Variants in TRPM6 observed in about 807,000 individuals in gnomAD.
TRPM6 encodes the protein transient receptor potential cation channel subfamily M member 6, also known as channel kinase 2.
Under a neutral mutation model 247.6 loss-of-function variants are expected in TRPM6, and 111 were observed. The observed-to-expected ratio is 0.45, with a 90% confidence interval of 0.38 to 0.52. The LOEUF is 0.52. TRPM6 is among the 20% of genes least tolerant of loss of function. The pLI, the probability that TRPM6 is intolerant of heterozygous loss-of-function variation, is 0.00. For missense variants in TRPM6, 2,126 were observed against 2,421.5 expected (o/e 0.88, Z 2.56); for synonymous variants, 892 against 853.8 (o/e 1.04, Z -0.78).
intron 27 of TRPM6, among the ~76,000 whole-genome samples, chr9:74,760,322 T>C (rs1455286396): frequency 6.6e-6 from 1 of 152,208 alleles, no homozygotes; most frequent in Admixed American, 6.5e-5. Flanking sequence ...TATGTTTAGA[T>C]ATGCTTAGAT....
At chr9:74,784,604 G>A (rs1211012856) in intron 21 of TRPM6, among the ~76,000 whole-genome samples, 1 of 152,198 alleles carries the variant, frequency 6.6e-6, no homozygotes, top group East Asian at 1.9e-4. Flanking sequence ...AATATCATTG[G>A]TGGTAGCCTC....
At chr9:74,824,798 G>C (rs952875686) in intron 7 of TRPM6, among the ~76,000 whole-genome samples, 1 of 152,002 alleles carries the variant, frequency 6.6e-6, no homozygotes, top group Admixed American at 6.6e-5. Context: ...CACATCCTTA[G>C]AGTCTTACAA....
intron 24 of TRPM6, among the ~76,000 whole-genome samples, chr9:74,773,615 A>G (rs1035740177): frequency 2.6e-5 from 4 of 152,202 alleles, no homozygotes; most frequent in Non-Finnish European, 5.9e-5. Flanking sequence ...GAAAATATAT[A>G]ATGAAGTGAT....
At chr9:74,779,997 C>T (rs1827372688) in intron 23 of TRPM6, among the ~76,000 whole-genome samples, 1 of 151,856 alleles carries the variant, frequency 6.6e-6, no homozygotes, top group Non-Finnish European at 1.5e-5. Context: ...TATGGTGAAA[C>T]TCTGTCTCTA....
rs1162045664 is a variant in TRPM6, at chr9:74,802,293, AAAT to A, written c.1732-121_1732-119del. 18 of 911,728 alleles carry A rather than the reference AAAT, an allele frequency of 2.0e-5. No homozygotes were observed. In the East Asian group the frequency reaches 4.2e-4, roughly 21 times the overall value. 56.5% of individuals were successfully genotyped at this position (911,728 alleles called of 1,614,324 possible). A position where few individuals can be genotyped will look rare whatever the true frequency, so the allele number is the denominator to read the frequency against. ...TTAATCACTACTAAAAAAGAGATGG[AAAT>A]AATAATAAGATTTTACAAGCCAGCA... On this transcript the variant is annotated intron_variant, in intron 15 of 38. Transcript: ENST00000360774.
At chr9:74,810,323 A>G (rs565865895) in intron 13 of TRPM6, among the ~76,000 whole-genome samples, 1 of 152,326 alleles carries the variant, frequency 6.6e-6, no homozygotes, top group South Asian at 2.1e-4. Flanking sequence ...TGAGCAAAAC[A>G]TGACCAAGAG....
intron 19 of TRPM6, among the ~76,000 whole-genome samples, chr9:74,790,116 T>C (rs1322988121): frequency 6.6e-6 from 1 of 152,098 alleles, no homozygotes; most frequent in Non-Finnish European, 1.5e-5. Flanking sequence ...TGGATAAGTC[T>C]GCTTCTAACT....
chr9:74,837,913 C>T (rs1213255177), intron 5 of TRPM6, among the ~76,000 whole-genome samples: 1 of 152,068 alleles, frequency 6.6e-6, no homozygotes, highest in Non-Finnish European at 1.5e-5. Context: ...CCACATCCAG[C>T]TAATTTCTGC....
rs1442430465 is a variant in TRPM6, at chr9:74,722,987, G to A, written c.*1626C>T. The A allele has an allele frequency of 1.3e-5, 2 of 152,156 alleles. No individual in the cohort carries two copies. Among genetic ancestry groups the A allele is most frequent in the Non-Finnish European group, 2.9e-5 (2 of 68,014 alleles). 9.4% of individuals were successfully genotyped at this position (152,156 alleles called of 1,614,324 possible). On this transcript the variant is annotated 3_prime_UTR_variant, in exon 39 of 39. Coordinates refer to ENST00000360774, the MANE Select transcript of TRPM6 (RefSeq NM_017662.5). ...AGTTGGAATTTTTCAAACCCAGGAGGTTTGCTGCCTGTGAACTGGAACAGC... is the reference window on the plus strand; with the variant it reads ...AGTTGGAATTTTTCAAACCCAGGAGATTTGCTGCCTGTGAACTGGAACAGC...
chr9:74,781,604 AAGGAG>A (rs1418386762), intron 23 of TRPM6, among the ~76,000 whole-genome samples: 1 of 151,648 alleles, frequency 6.6e-6, no homozygotes, highest in Non-Finnish European at 1.5e-5. Context: ...AAAGAGAGGA[AAGGAG>A]AGGAGAGGAA....
chr9:74,797,834 C>CATTA (rs1828155713), intron 17 of TRPM6, among the ~76,000 whole-genome samples: 2 of 152,090 alleles, frequency 1.3e-5, no homozygotes, highest in Admixed American at 6.6e-5. Context: ...ATTTTAAAGC[C>CATTA]ATTAAGTAGC....
chr9:74,855,375 C>A, intron 3 of TRPM6, 152 bp downstream of exon 3: 1 of 687,972 alleles, frequency 1.5e-6, no homozygotes. Context: ...AATACTCACT[C>A]TCCATCAAAA....
intron 12 of TRPM6, among the ~76,000 whole-genome samples, chr9:74,811,321 G>A (rs1828722167): frequency 6.6e-6 from 1 of 152,134 alleles, no homozygotes; most frequent in Non-Finnish European, 1.5e-5. Flanking sequence ...AACAATATGT[G>A]TGGGCTCAAA....
At chr9:74,732,551 G>T (rs1406834083) in intron 37 of TRPM6, 134 bp downstream of exon 37, 25 of 608,058 alleles carry the variant, frequency 4.1e-5, no homozygotes, top group Non-Finnish European at 4.9e-5. Context: ...ATTGTTTTTG[G>T]TCTATATACA....
chr9:74,751,091 T>A (rs1826228298), intron 29 of TRPM6, among the ~76,000 whole-genome samples: 1 of 152,154 alleles, frequency 6.6e-6, no homozygotes, highest in Non-Finnish European at 1.5e-5. Context: ...AAAATGAAAG[T>A]ACAAGTTGAC....
intron 14 of TRPM6, among the ~76,000 whole-genome samples, chr9:74,805,991 T>C (rs916617626): frequency 5.9e-5 from 9 of 152,214 alleles, no homozygotes; most frequent in Non-Finnish European, 1.5e-5. Flanking sequence ...TCATTGATTA[T>C]ATTAAGGAAT....
In TRPM6 at chr9:74,738,420, A is replaced by T; in HGVS notation, c.5763T>A (p.Val1921=). The T allele has an allele frequency of 1.1e-5, 17 of 1,613,874 alleles. No individual in the cohort carries two copies. Among genetic ancestry groups the T allele is most frequent in the Non-Finnish European group, 1.4e-5 (16 of 1,179,918 alleles). The change falls in exon 36 of 39, where the codon GTT becomes GTA. Residue 1921 remains valine (V), a synonymous_variant. Transcript: ENST00000360774. The part of the protein sequence containing the change: ...TYEYTRGELL[V]LDLQGVGENL... ...ATCATCAATCACCTTGCAAATCTAA[A>T]ACCAGCAGCTCTCCCCGAGTGTACT...
rs768311778 is a variant in TRPM6 at position 74,732,725 on chromosome 9, T to C, written c.5788A>G (p.Asn1930Asp). ...LVLDLQGVGE[N>D]LTDPSVIKPE... ...TTTATAACAGATGGATCTGTCAAATTTTCTCCAACACCTCAAAAGAAGAAA... is the reference window on the plus strand; with the variant it reads ...TTTATAACAGATGGATCTGTCAAATCTTCTCCAACACCTCAAAAGAAGAAA... Residue 1930 changes from asparagine (N) to aspartate (D), a missense_variant, in exon 37 of 39, where the codon AAT becomes GAT. Asn to Asp is a conservative substitution (Grantham distance 23). Coordinates refer to ENST00000360774, the MANE Select transcript of TRPM6 (RefSeq NM_017662.5). The C allele has an allele frequency of 1.2e-6, 2 of 1,609,324 alleles. No individual in the cohort carries two copies. The highest frequency in any genetic ancestry group is 1.7e-6 in the Non-Finnish European group (2 of 1,177,732).
intron 7 of TRPM6, among the ~76,000 whole-genome samples, chr9:74,824,327 T>A (rs1316033456): frequency 6.6e-6 from 1 of 151,652 alleles, no homozygotes; most frequent in African/African-American, 2.4e-5. Context: ...CTTTTTTGTA[T>A]TTTTAGTAGA....
Sources: gnomAD v4.1 joint callset for allele counts (sites outside exome capture counted in the v4.1 genomes callset) on GRCh38, gnomAD v4.1.1 for gene constraint, MANE v1.5 for transcripts, NCBI Gene and HGNC (gene_info 2026-07-23, HGNC 2026-07-21) for gene names.